Variants in ARAP2 observed in about 807,000 individuals in gnomAD.
ARAP2 encodes arf-GAP with Rho-GAP domain, ANK repeat and PH domain-containing protein 2.
Under a neutral mutation model 194.5 loss-of-function variants are expected in ARAP2, and 148 were observed. The observed-to-expected ratio is 0.76, with a 90% CI of 0.67 to 0.87. The LOEUF (loss-of-function observed/expected upper bound fraction) is 0.87. Ranked by LOEUF, ARAP2 falls within the 40% of genes least tolerant of loss-of-function variation. The pLI, the probability that ARAP2 is intolerant of heterozygous loss-of-function variation, is 0.00. For missense variants in ARAP2, 2,128 were observed against 1,989.7 expected (o/e 1.07, Z -1.32); for synonymous variants, 695 against 683.5 (o/e 1.02, Z -0.26).
chr4:36,037,119 A>G (rs556001025), intron 5 of ARAP2, among the ~76,000 whole-genome samples: 4 of 152,096 alleles, frequency 2.6e-5, no homozygotes, highest in Admixed American at 1.3e-4. Flanking sequence ...CAAGACCTCC[A>G]TACACTCTTC....
At chr4:36,022,194 A>G (rs566491158) in intron 5 of ARAP2, among the ~76,000 whole-genome samples, 46 of 152,318 alleles carry the variant, frequency 3.0e-4, no homozygotes, top group Admixed American at 5.9e-4. Context: ...GGAGAGGTAG[A>G]TTAGGAAGGA....
At chr4:36,017,736 G>A (rs1272763283) in intron 6 of ARAP2, among the ~76,000 whole-genome samples, 2 of 152,072 alleles carry the variant, frequency 1.3e-5, no homozygotes, top group African/African-American at 4.8e-5. Context: ...AGAGTGGTAA[G>A]GGTTCATACC....
At chr4:36,237,030 T>G (rs1415988766) in intron 1 of ARAP2, among the ~76,000 whole-genome samples, 1 of 152,222 alleles carries the variant, frequency 6.6e-6, no homozygotes, top group Admixed American at 6.5e-5. Flanking sequence ...TAAGTCTACA[T>G]ACCTTTACAT....
Position 36,210,627 on chromosome 4 carries a change from G to A in ARAP2, c.1250C>T (p.Thr417Ile). ...IDTASESEYS[T>I]VEECFQSLRR... ...TAAACTCTGAAAGCATTCTTCTACT[G>A]TTGAGTATTCTGATTCAGAAGCAGT... The change falls in exon 6 of 33, where the codon ACA becomes ATA. Residue 417 changes from threonine (T) to isoleucine (I), a missense_variant. Physicochemically the swap from Thr to Ile is moderately conservative, Grantham distance 89 (BLOSUM62 -1). Coordinates refer to ENST00000303965, the MANE Select transcript of ARAP2 (RefSeq NM_015230.4). 6.2e-7 allele frequency: 1 copy of A among 1,613,834 alleles called. No homozygotes were observed. Among genetic ancestry groups the A allele is most frequent in the South Asian group, 1.1e-5 (1 of 91,066 alleles).
chr4:36,207,182 C>A (rs1454154341), intron 6 of ARAP2, among the ~76,000 whole-genome samples: 1 of 152,200 alleles, frequency 6.6e-6, no homozygotes, highest in Non-Finnish European at 1.5e-5. Flanking sequence ...TATATCCAGT[C>A]TTTCATATTT....
At chr4:36,150,185 G>A (rs1730626198) in intron 16 of ARAP2, among the ~76,000 whole-genome samples, 1 of 152,026 alleles carries the variant, frequency 6.6e-6, no homozygotes, top group Non-Finnish European at 1.5e-5. Flanking sequence ...ACTAAATATT[G>A]TTTATTTTAA....
rs1301631380 is a variant in ARAP2, at chr4:36,067,600, T to C, written c.*307A>G. ...ATACAGTACAGTTTGAGATTTCTGC[T>C]CATAAATTATACCACTTAACAGACA... On this transcript the variant is annotated 3_prime_UTR_variant, in exon 33 of 33. Transcript: ENST00000303965. The C allele has an allele frequency of 9.1e-6, 2 of 219,336 alleles. No individual in the cohort carries two copies. Among genetic ancestry groups the C allele is most frequent in the Non-Finnish European group, 1.8e-5 (2 of 111,090 alleles). The allele number at this position is 219,336 out of a possible 1,614,324, so 13.6% of individuals were successfully genotyped here.
At chr4:36,128,837 C>A in intron 20 of ARAP2, 92 bp from the exon 21 acceptor site, 2 of 1,016,318 alleles carry the variant, frequency 2.0e-6, no homozygotes, top group Non-Finnish European at 2.9e-6. Context: ...TGTGTTGAGA[C>A]GAGAAGATGA....
chr4:36,208,513 G>A (rs1746053745), intron 6 of ARAP2, among the ~76,000 whole-genome samples: 1 of 152,154 alleles, frequency 6.6e-6, no homozygotes, highest in South Asian at 2.1e-4. Flanking sequence ...CTCAATCAGC[G>A]CTATCTGCAT....
At position 36,212,494 on chromosome 4, in the gene ARAP2, A is replaced by C. The variant is rs767609232; in HGVS notation, c.1042-7T>G. 6.2e-7 allele frequency: 1 copy of C among 1,606,728 alleles called. No individual in the cohort carries two copies. The highest frequency in any genetic ancestry group is 8.5e-7 in the Non-Finnish European group (1 of 1,174,854). The stretch of plus-strand genomic sequence containing the variant: ...CATTCTTTATAGATCGCTTCTATTA[A>C]AAAAGCAAACAAACAAAAAACACAT... On this transcript the variant is annotated splice_region_variant and splice_polypyrimidine_tract_variant and intron_variant, in intron 4 of 32. Transcript: ENST00000303965.
At chr4:36,160,191 C>T in intron 13 of ARAP2, 2 of 1,078,638 alleles carry the variant, frequency 1.9e-6, no homozygotes, top group Non-Finnish European at 2.2e-6. Context: ...CTTCACTTTA[C>T]TGGATCCCAT....
At chr4:36,053,191 G>A (rs1722969822) in intron 2 of ARAP2, among the ~76,000 whole-genome samples, 1 of 151,942 alleles carries the variant, frequency 6.6e-6, no homozygotes, top group African/African-American at 2.4e-5. Context: ...ATTTTTAGTA[G>A]AGAGTGGTTT....
chr4:36,011,367 T>C (rs1054592671), intron 9 of ARAP2, among the ~76,000 whole-genome samples: 4 of 152,170 alleles, frequency 2.6e-5, no homozygotes, highest in Non-Finnish European at 5.9e-5. Flanking sequence ...TTTTGTAAAA[T>C]ATGTTTCATA....
At position 36,199,102 on chromosome 4, in the gene ARAP2, C is replaced by T. The variant is rs141832152; in HGVS notation, c.1488-5455G>A. On this transcript the variant is annotated intron_variant, in intron 6 of 32. Coordinates refer to ENST00000303965, the MANE Select transcript of ARAP2 (RefSeq NM_015230.4). Reference sequence around the variant, plus strand: ...AGGGCTCCCACTTGTCCTTGGCTCACGCCATCTCTGTAGAGTATGCAGCCC... The same window carrying T: ...AGGGCTCCCACTTGTCCTTGGCTCATGCCATCTCTGTAGAGTATGCAGCCC... 5.6e-3 allele frequency among the ~76,000 whole-genome samples: 847 copies of T among 152,356 alleles called. 3 individuals are homozygous for T. The highest frequency in any genetic ancestry group is 8.3e-3 in the Non-Finnish European group (563 of 68,030).
intron 7 of ARAP2, among the ~76,000 whole-genome samples, chr4:36,188,013 C>T (rs566256120): frequency 5.2e-4 from 79 of 152,260 alleles, no homozygotes; most frequent in African/African-American, 1.7e-3. Context: ...AAACACATAT[C>T]GGGTTTTCTA....
chr4:36,028,474 G>A (rs2109356318), intron 5 of ARAP2, among the ~76,000 whole-genome samples: 1 of 151,340 alleles, frequency 6.6e-6, no homozygotes, highest in South Asian at 2.1e-4. Flanking sequence ...ACATATATTT[G>A]TATGGACTTA....
intron 5 of ARAP2, among the ~76,000 whole-genome samples, chr4:36,031,676 T>TG (rs1718979383): frequency 6.6e-6 from 1 of 151,280 alleles, no homozygotes. Context: ...CTTTTTTTTT[T>TG]TTTCTTTTTT....
At chr4:36,089,706 A>C (rs1000289809) in intron 28 of ARAP2, among the ~76,000 whole-genome samples, 5 of 152,240 alleles carry the variant, frequency 3.3e-5, no homozygotes, top group Middle Eastern at 3.4e-3. Flanking sequence ...CTTTTGAATC[A>C]ATGGGTTATT....
chr4:36,097,340 C>G (rs1715588794), intron 27 of ARAP2, among the ~76,000 whole-genome samples: 1 of 152,040 alleles, frequency 6.6e-6, no homozygotes, highest in African/African-American at 2.4e-5. Context: ...ATTTAAAAGA[C>G]TTTCTAAAAG....
Sources: allele counts gnomAD v4.1 joint callset (sites outside exome capture counted in the v4.1 genomes callset), GRCh38; gene constraint gnomAD v4.1.1; transcripts MANE v1.5; gene names NCBI Gene and HGNC (gene_info 2026-07-23, HGNC 2026-07-21).